Variants in OSBPL1A observed in about 807,000 individuals in gnomAD.
OSBPL1A encodes oxysterol binding protein like 1A, also known as oxysterol-binding protein-related protein 1.
OSBPL1A carries 80 observed loss-of-function variants against 137.1 expected under a neutral mutation model. The ratio of observed to expected loss-of-function variants is 0.58; its 90% CI spans 0.49 to 0.70. The LOEUF is 0.70. Among genes scored for constraint, OSBPL1A ranks in the 30% least tolerant of loss-of-function variants. The probability of loss-of-function intolerance (pLI) is 0.00; values close to 1 mark genes in which losing one functional copy is unlikely to be tolerated. For missense variants in OSBPL1A, 970 were observed against 1,129.4 expected (o/e 0.86, Z 2.02); for synonymous variants, 365 against 389.7 (o/e 0.94, Z 0.75).
intron 1 of OSBPL1A, among the ~76,000 whole-genome samples, chr18:24,393,723 G>C (rs374753137): frequency 2.9e-4 from 44 of 152,308 alleles, no homozygotes; most frequent in African/African-American, 9.4e-4. Flanking sequence ...AAAGTGCTGG[G>C]ATTACAGGTG....
At chr18:24,201,015 G>A (rs1232683953) in intron 17 of OSBPL1A, among the ~76,000 whole-genome samples, 1 of 151,984 alleles carries the variant, frequency 6.6e-6, no homozygotes, top group Non-Finnish European at 1.5e-5. Flanking sequence ...AAGAACAGAC[G>A]AGAGCAGCAA....
At chr18:24,199,011 C>T (rs10468874) in intron 17 of OSBPL1A, among the ~76,000 whole-genome samples, 5,763 of 151,974 alleles carry the variant, frequency 0.038, 194 homozygotes, top group East Asian at 0.14. Flanking sequence ...GTACCCGCCA[C>T]CATGCCTGGC....
At chr18:24,368,990 A>G (rs1905395292) in intron 2 of OSBPL1A, among the ~76,000 whole-genome samples, 2 of 152,152 alleles carry the variant, frequency 1.3e-5, no homozygotes, top group African/African-American at 4.8e-5. Flanking sequence ...GAACTCTCTG[A>G]AAGTGTGTGG....
At position 24,334,278 on chromosome 18, in the gene OSBPL1A, T is replaced by C; in HGVS notation, c.447A>G (p.Ala149=). The C allele has an allele frequency of 6.2e-7, 1 of 1,612,340 alleles. No homozygotes were observed. The highest frequency in any genetic ancestry group is 1.3e-5 in the African/African-American group (1 of 74,984). Residue 149 remains alanine (A), a synonymous_variant, in exon 6 of 28, where the codon GCA becomes GCG. Coordinates refer to ENST00000319481, the MANE Select transcript of OSBPL1A (RefSeq NM_080597.4). ...TGAGTTCTGTTGTTTTGCCTTCTCT[T>C]GCTGCTGCTAAAAGTAATTCTTCAA... is the stretch of plus-strand genomic sequence containing the variant. ...RKLEELLLAA[A]REGKTTELTA... is the part of the protein sequence containing the mutation.
intron 15 of OSBPL1A, among the ~76,000 whole-genome samples, chr18:24,241,344 T>C (rs995977366): frequency 3.9e-5 from 6 of 152,138 alleles, no homozygotes; most frequent in Admixed American, 6.5e-5. Context: ...AGAGGCAACC[T>C]ACAGAATGGG....
intron 7 of OSBPL1A, among the ~76,000 whole-genome samples, chr18:24,332,260 C>T (rs1261460105): frequency 6.6e-6 from 1 of 151,580 alleles, no homozygotes; most frequent in Non-Finnish European, 1.5e-5. Context: ...CAGGTGCATG[C>T]CTGCAGTTCC....
At chr18:24,232,508 C>T (rs1025436959) in intron 16 of OSBPL1A, among the ~76,000 whole-genome samples, 7 of 152,160 alleles carry the variant, frequency 4.6e-5, no homozygotes, top group African/African-American at 1.4e-4. Context: ...GTAACATCTG[C>T]ACATGTAATG....
chr18:24,248,424 C>T (rs1320935275), intron 15 of OSBPL1A, among the ~76,000 whole-genome samples: 1 of 152,180 alleles, frequency 6.6e-6, no homozygotes, highest in East Asian at 1.9e-4. Flanking sequence ...TGTGGCACCA[C>T]TAAAAATGCC....
At chr18:24,376,464 A>G (rs1056326010) in intron 2 of OSBPL1A, among the ~76,000 whole-genome samples, 10 of 152,342 alleles carry the variant, frequency 6.6e-5, no homozygotes, top group Middle Eastern at 3.4e-3. Flanking sequence ...TCCCTGGGCT[A>G]GACATAAAGG....
intron 15 of OSBPL1A, among the ~76,000 whole-genome samples, chr18:24,258,424 C>T (rs2089346767): frequency 6.6e-6 from 1 of 152,000 alleles, no homozygotes; most frequent in Non-Finnish European, 1.5e-5. Context: ...CAAATCAAAA[C>T]AATTGAACAC....
intron 17 of OSBPL1A, among the ~76,000 whole-genome samples, chr18:24,201,947 T>C (rs907192873): frequency 1.3e-5 from 2 of 152,096 alleles, no homozygotes; most frequent in Non-Finnish European, 1.5e-5. Flanking sequence ...AAGAACAAGA[T>C]GATAACACAA....
intron 7 of OSBPL1A, among the ~76,000 whole-genome samples, chr18:24,329,473 C>G (rs1238434815): frequency 6.6e-6 from 1 of 151,446 alleles, no homozygotes; most frequent in Non-Finnish European, 1.5e-5. Context: ...TCGCTTGAAC[C>G]CAGGAGGCAG....
intron 17 of OSBPL1A, among the ~76,000 whole-genome samples, chr18:24,220,128 G>C (rs1193861470): frequency 6.6e-6 from 1 of 152,208 alleles, no homozygotes; most frequent in Non-Finnish European, 1.5e-5. Context: ...ATCTGTTCCA[G>C]GTGTCCAATC....
chr18:24,279,987 C>G (rs1368397190), intron 15 of OSBPL1A, among the ~76,000 whole-genome samples: 1 of 152,042 alleles, frequency 6.6e-6, no homozygotes, highest in Admixed American at 6.6e-5. Flanking sequence ...TACTCCATCA[C>G]CCAGGCTGGA....
chr18:24,357,745 G>A (rs961650652), intron 4 of OSBPL1A: 1 of 152,192 alleles, frequency 6.6e-6, no homozygotes, highest in Non-Finnish European at 1.5e-5. Context: ...TCCAGTGGGT[G>A]GGAGGTAAAA....
chr18:24,255,955 T>A (rs2089261907), intron 15 of OSBPL1A, among the ~76,000 whole-genome samples: 1 of 152,040 alleles, frequency 6.6e-6, no homozygotes, highest in Non-Finnish European at 1.5e-5. Context: ...CCACCACACC[T>A]GGCTGATTTT....
At chr18:24,369,838 T>C (rs1905475085) in intron 2 of OSBPL1A, among the ~76,000 whole-genome samples, 1 of 152,264 alleles carries the variant, frequency 6.6e-6, no homozygotes, top group South Asian at 2.1e-4. Context: ...TAGCTCATCC[T>C]GATAAGGATC....
At chr18:24,241,112 T>C (rs554814322) in intron 15 of OSBPL1A, among the ~76,000 whole-genome samples, 1 of 152,142 alleles carries the variant, frequency 6.6e-6, no homozygotes, top group African/African-American at 2.4e-5. Flanking sequence ...TTACACCTTA[T>C]ACAAAAATTG....
chr18:24,235,718 G>C (rs886716923), intron 16 of OSBPL1A, among the ~76,000 whole-genome samples: 3 of 152,220 alleles, frequency 2.0e-5, no homozygotes, highest in East Asian at 3.8e-4. Context: ...TCTCTAGCAA[G>C]AGATCAAGGC....
Sources: allele counts gnomAD v4.1 joint callset (sites outside exome capture counted in the v4.1 genomes callset), GRCh38; gene constraint gnomAD v4.1.1; transcripts MANE v1.5; gene names NCBI Gene and HGNC (gene_info 2026-07-23, HGNC 2026-07-21).